Variants in OSBPL10 observed in about 807,000 individuals in gnomAD.
OSBPL10 encodes oxysterol binding protein like 10, also known as oxysterol-binding protein-related protein 10.
Under a neutral mutation model 81.7 loss-of-function variants are expected in OSBPL10, and 49 were observed. That is an observed-to-expected ratio of 0.60 (90% CI 0.48 to 0.76). OSBPL10 has a LOEUF of 0.76. Among genes scored for constraint, OSBPL10 ranks in the 30% least tolerant of loss-of-function variants. The pLI, the probability that OSBPL10 is intolerant of heterozygous loss-of-function variation, is 0.00. For missense variants in OSBPL10, 923 were observed against 987.8 expected, an observed-to-expected ratio of 0.93 and a Z score of 0.88; for synonymous variants, 419 against 383.6, an observed-to-expected ratio of 1.09 and a Z score of -1.08.
intron 1 of OSBPL10, among the ~76,000 whole-genome samples, chr3:31,965,041 T>C (rs1698275488): frequency 6.6e-6 from 1 of 152,078 alleles, no homozygotes. Context: ...CTTTCAAGTA[T>C]ACATGGAACA....
chr3:31,719,300 G>C (rs933115132), intron 6 of OSBPL10, among the ~76,000 whole-genome samples: 9 of 152,228 alleles, frequency 5.9e-5, no homozygotes, highest in Non-Finnish European at 1.2e-4. Context: ...CCAAAAGGTG[G>C]AAAAATACTT....
At chr3:31,809,681 A>G (rs1405713252) in intron 4 of OSBPL10, among the ~76,000 whole-genome samples, 3 of 152,190 alleles carry the variant, frequency 2.0e-5, no homozygotes, top group African/African-American at 7.2e-5. Flanking sequence ...ATGTGACAAC[A>G]TGTAAAGTAT....
intron 11 of OSBPL10, chr3:31,662,625 C>T (rs1700095370): frequency 3.0e-6 from 3 of 991,054 alleles, no homozygotes; most frequent in Admixed American, 6.1e-5. Flanking sequence ...GGTATTAATA[C>T]CATCTAGTTA....
intron 2 of OSBPL10, among the ~76,000 whole-genome samples, chr3:32,010,355 C>G (rs1699242162): frequency 6.6e-6 from 1 of 152,078 alleles, no homozygotes; most frequent in South Asian, 2.1e-4. Flanking sequence ...AGTATTTTTT[C>G]ATGGCAGCCC....
intron 2 of OSBPL10, among the ~76,000 whole-genome samples, chr3:32,016,245 A>G (rs1699312027): frequency 1.3e-5 from 2 of 152,204 alleles, no homozygotes; most frequent in South Asian, 4.1e-4. Context: ...GCACATATAC[A>G]CCATGGAATA....
intron 1 of OSBPL10, among the ~76,000 whole-genome samples, chr3:31,924,040 A>C (rs985009589): frequency 6.6e-6 from 1 of 151,924 alleles, no homozygotes. Flanking sequence ...AACATAGTGA[A>C]ACCCTGTCTT....
rs1035920264 is a variant in OSBPL10, at chr3:31,736,221, T to C, written c.941-2810A>G. 3.6e-4 allele frequency among the ~76,000 whole-genome samples: 55 copies of C among 152,244 alleles called. 2 individuals carry two copies. Among genetic ancestry groups the C allele is most frequent in the African/African-American group, 9.4e-4 (39 of 41,542 alleles). On this transcript the variant is annotated intron_variant, in intron 5 of 11. Transcript: ENST00000396556. ...TTATACAACAATGTGAATGCACACA[T>C]AAAATGTGTACACATAGAATGTGTA...
chr3:31,689,881 C>T (rs927564945), intron 7 of OSBPL10, among the ~76,000 whole-genome samples: 5 of 152,080 alleles, frequency 3.3e-5, no homozygotes, highest in Non-Finnish European at 5.9e-5. Context: ...TGAAAATGGA[C>T]TAACCCAATG....
At chr3:31,896,918 C>T (rs1696075699) in intron 1 of OSBPL10, among the ~76,000 whole-genome samples, 1 of 152,116 alleles carries the variant, frequency 6.6e-6, no homozygotes, top group Admixed American at 6.5e-5. Context: ...CCTTCTCTCG[C>T]CACGTCATCT....
At chr3:31,665,635 T>A (rs922704755) in intron 10 of OSBPL10, among the ~76,000 whole-genome samples, 4 of 152,200 alleles carry the variant, frequency 2.6e-5, no homozygotes, top group African/African-American at 4.8e-5. Context: ...CAGATCTGAT[T>A]GGTCTCTCAG....
chr3:31,724,351 G>A (rs1318924418), intron 6 of OSBPL10, among the ~76,000 whole-genome samples: 1 of 152,066 alleles, frequency 6.6e-6, no homozygotes, highest in African/African-American at 2.4e-5. Flanking sequence ...TCTGGTGGGT[G>A]TTTACATCAC....
intron 4 of OSBPL10, among the ~76,000 whole-genome samples, chr3:31,781,619 A>T (rs529726472): frequency 1.3e-5 from 2 of 152,234 alleles, no homozygotes; most frequent in Non-Finnish European, 2.9e-5. Context: ...CAGGATACAA[A>T]ATCAATGTAC....
chr3:32,059,211 G>A (rs993809362), intron 1 of OSBPL10, among the ~76,000 whole-genome samples: 4 of 152,140 alleles, frequency 2.6e-5, no homozygotes, highest in Admixed American at 6.5e-5. Context: ...CAGAAGAATC[G>A]CTTGAACCTG....
At chr3:31,783,828 A>ATG (rs1401743861) in intron 4 of OSBPL10, among the ~76,000 whole-genome samples, 50 of 54,214 alleles carry the variant, frequency 9.2e-4, no homozygotes, top group African/African-American at 4.7e-3. Flanking sequence ...AAAAAAATAT[A>ATG]TATATATATA....
chr3:31,685,202 G>T (rs1172576174), intron 7 of OSBPL10, among the ~76,000 whole-genome samples: 1 of 151,926 alleles, frequency 6.6e-6, no homozygotes, highest in African/African-American at 2.4e-5. Flanking sequence ...ACAAATATCG[G>T]GTATTTTTTG....
intron 1 of OSBPL10, among the ~76,000 whole-genome samples, chr3:31,967,368 C>T (rs13075981): frequency 0.19 from 29,027 of 151,996 alleles, 3,130 homozygotes; most frequent in East Asian, 0.41. Flanking sequence ...TAGCCCCAGC[C>T]ACTTGGGAGG....
chr3:31,837,649 CA>C (rs10704809), intron 3 of OSBPL10, among the ~76,000 whole-genome samples: 3,096 of 136,412 alleles, frequency 0.023, 53 homozygotes, highest in South Asian at 0.057. Flanking sequence ...TGTTTTATTT[CA>C]AAAAAAAAAA....
intron 5 of OSBPL10, among the ~76,000 whole-genome samples, chr3:31,740,340 C>A (rs1314475674): frequency 6.6e-6 from 1 of 152,078 alleles, no homozygotes; most frequent in African/African-American, 2.4e-5. Flanking sequence ...CTGTGCCTGG[C>A]CGCTATGAAT....
intron 1 of OSBPL10, among the ~76,000 whole-genome samples, chr3:31,946,964 A>T (rs898388262): frequency 1.3e-5 from 2 of 152,218 alleles, no homozygotes; most frequent in African/African-American, 4.8e-5. Flanking sequence ...CAGACCAGAG[A>T]GGCAGCTACG....
Sources: gnomAD v4.1 joint callset for allele counts (sites outside exome capture counted in the v4.1 genomes callset) on GRCh38, gnomAD v4.1.1 for gene constraint, MANE v1.5 for transcripts, NCBI Gene and HGNC (gene_info 2026-07-23, HGNC 2026-07-21) for gene names.